The following RYR3 variants were observed in gnomAD, a reference collection of about 807,000 sequenced individuals.
RYR3 encodes ryanodine receptor 3.
In RYR3, 207 loss-of-function variants were observed where a neutral mutation model predicts 584.3. That is an observed-to-expected ratio of 0.35 (90% CI 0.32 to 0.40). The LOEUF (loss-of-function observed/expected upper bound fraction) is 0.40, where lower values mean the gene tolerates loss of function less well. RYR3 is among the 10% of genes least tolerant of loss of function. The probability of loss-of-function intolerance (pLI) is 1.00; values close to 1 mark genes in which losing one functional copy is unlikely to be tolerated. For missense variants in RYR3, 5,616 were observed against 6,089.2 expected (o/e 0.92, Z 2.59); for synonymous variants, 2,416 against 2,248.5 (o/e 1.07, Z -2.11).
At chr15:33,480,984 T>C (rs1409738968) in intron 2 of RYR3, among the ~76,000 whole-genome samples, 1 of 152,204 alleles carries the variant, frequency 6.6e-6, no homozygotes, top group Non-Finnish European at 1.5e-5. Flanking sequence ...TTTTGTTTCA[T>C]GTATGTTAAA....
intron 1 of RYR3, among the ~76,000 whole-genome samples, chr15:33,323,333 C>T (rs1224642700): frequency 1.3e-5 from 2 of 152,112 alleles, no homozygotes; most frequent in East Asian, 1.9e-4. Flanking sequence ...TGGTCTCGAT[C>T]TCCTGACCTC....
intron 40 of RYR3, 125 bp downstream of exon 40, chr15:33,698,121 G>A (rs529472169): frequency 5.8e-6 from 4 of 688,908 alleles, no homozygotes; most frequent in East Asian, 2.5e-5. Flanking sequence ...GGAAGGGATA[G>A]GCACAGTGCC....
In RYR3 at chr15:33,311,326, T is replaced by A. The variant is rs1295354088; in HGVS notation, c.51+230T>A. On this transcript the variant is annotated intron_variant, in intron 1 of 103. Transcript: ENST00000634891. This position sits in a 1 kb window ranked among gnomAD's most constrained non-coding sequence, Gnocchi z 4.4. ...TCCCTTGTTCCCCTACCGCCACCCCTGCCCCAGGCCCTCCACCTAGGACCG... is the reference window on the plus strand; with the variant it reads ...TCCCTTGTTCCCCTACCGCCACCCCAGCCCCAGGCCCTCCACCTAGGACCG... Among the ~76,000 whole-genome samples, 1 of 152,180 alleles carries A rather than the reference T, an allele frequency of 6.6e-6. No individual in the cohort carries two copies. Among genetic ancestry groups the A allele is most frequent in the East Asian group, 1.9e-4 (1 of 5,184 alleles).
intron 69 of RYR3, among the ~76,000 whole-genome samples, chr15:33,805,959 A>C (rs1189368402): frequency 1.8e-3 from 200 of 109,336 alleles, no homozygotes; most frequent in Middle Eastern, 0.01. Context: ...CCTTCTCTCC[A>C]CCTCTGCCTC....
At chr15:33,509,415 T>TTC (rs1457145851) in intron 3 of RYR3, among the ~76,000 whole-genome samples, 2 of 152,232 alleles carry the variant, frequency 1.3e-5, no homozygotes, top group African/African-American at 4.8e-5. Flanking sequence ...GGTTTTTATC[T>TTC]TCCCTTTAGA....
chr15:33,741,835 C>T (rs111785170), intron 51 of RYR3, among the ~76,000 whole-genome samples: 4,228 of 152,094 alleles, frequency 0.028, 195 homozygotes, highest in African/African-American at 0.097. Flanking sequence ...AGGATGGTCT[C>T]GATTTCCTGA....
intron 2 of RYR3, among the ~76,000 whole-genome samples, chr15:33,482,660 C>T (rs1012839383): frequency 1.1e-4 from 16 of 152,182 alleles, no homozygotes; most frequent in East Asian, 3.9e-4. Context: ...GTTAAGTGCT[C>T]CTCCCACCTC....
chr15:33,769,604 G>A (rs1448971876), intron 62 of RYR3, among the ~76,000 whole-genome samples: 3 of 149,546 alleles, frequency 2.0e-5, no homozygotes, highest in Non-Finnish European at 4.5e-5. Context: ...GATTTGGGAA[G>A]AAGTCTTAAA....
rs745418555 is a variant in RYR3 at position 33,503,730 on chromosome 15, G to A, written c.271G>A (p.Gly91Ser). The change falls in exon 3 of 104, where the codon GGC becomes AGC. Residue 91 changes from glycine to serine, a missense_variant. Around this residue, in one of 9 missense-constraint regions of RYR3, gnomAD observed 1,284 missense variants for 1,344.6 expected, o/e 0.95. Coordinates refer to ENST00000634891, the MANE Select transcript of RYR3 (RefSeq NM_001036.6). The part of the protein sequence containing the change: ...EMLANTGENG[G>S]EGAAQGGGHR... ...GCTTGCCAACACAGGTGAAAATGGCGGCGAAGGGGTGAGTACCCGAATTGT... is the reference window on the plus strand; with the variant it reads ...GCTTGCCAACACAGGTGAAAATGGCAGCGAAGGGGTGAGTACCCGAATTGT... 43 of 1,607,738 alleles carry A rather than the reference G, an allele frequency of 2.7e-5. No individual in the cohort carries two copies. Among genetic ancestry groups the A allele is most frequent in the Non-Finnish European group, 3.1e-5 (37 of 1,176,262 alleles).
intron 23 of RYR3, among the ~76,000 whole-genome samples, chr15:33,632,056 G>A (rs2061295623): frequency 6.6e-6 from 1 of 152,248 alleles, no homozygotes; most frequent in Admixed American, 6.5e-5. Context: ...GGACACAACA[G>A]TCAGTGCATC....
chr15:33,362,413 T>TCAGCAGCAG (rs979552217), intron 1 of RYR3, among the ~76,000 whole-genome samples: 2 of 152,028 alleles, frequency 1.3e-5, no homozygotes, highest in African/African-American at 4.8e-5. Context: ...ATCATCATCA[T>TCAGCAGCAG]CAGCAGCAGC....
At chr15:33,338,288 TATGGCTTTCCTCAA>T (rs1971393336) in intron 1 of RYR3, among the ~76,000 whole-genome samples, 2 of 152,248 alleles carry the variant, frequency 1.3e-5, no homozygotes, top group Admixed American at 6.5e-5. Flanking sequence ...GAGACAGGTC[TATGGCTTTCCTCAA>T]AGATGATTTT....
At chr15:33,722,009 G>C (rs11637423) in intron 43 of RYR3, among the ~76,000 whole-genome samples, 73,033 of 151,982 alleles carry the variant, frequency 0.48, 19,866 homozygotes, top group East Asian at 0.87. Flanking sequence ...CTTTACCAAG[G>C]AGATTCTTCA....
chr15:33,423,938 C>T (rs551668804), intron 1 of RYR3, among the ~76,000 whole-genome samples: 2 of 152,156 alleles, frequency 1.3e-5, no homozygotes, highest in South Asian at 2.1e-4. Context: ...TCCAATGCAC[C>T]CAGGATCAGT....
chr15:33,864,043 C>A, intron 102 of RYR3, 95 bp from the exon 103 acceptor site: 1 of 855,144 alleles, frequency 1.2e-6, no homozygotes. Flanking sequence ...TAGCGTGGGA[C>A]CAACTAGCCT....
intron 1 of RYR3, among the ~76,000 whole-genome samples, chr15:33,464,465 T>TGGAG (rs2048290337): frequency 1.5e-5 from 1 of 67,472 alleles, no homozygotes; most frequent in Non-Finnish European, 2.6e-5. Context: ...GAGGTGGAGA[T>TGGAG]ATATATATAT....
intron 2 of RYR3, among the ~76,000 whole-genome samples, chr15:33,503,153 G>A (rs752052079): frequency 1.3e-5 from 2 of 152,040 alleles, no homozygotes; most frequent in Non-Finnish European, 2.9e-5. Context: ...CCCCTCTGTG[G>A]CCTCTTTTTA....
At chr15:33,853,002 A>ATGT in intron 94 of RYR3, 43 bp from the exon 95 acceptor site, 1 of 1,541,464 alleles carries the variant, frequency 6.5e-7, no homozygotes, top group Non-Finnish European at 8.9e-7. Flanking sequence ...GTTTTCCTTG[A>ATGT]TGTTAAGAAT....
intron 37 of RYR3, among the ~76,000 whole-genome samples, 155 bp from the exon 38 acceptor site, chr15:33,670,264 T>C (rs905643785): frequency 2.0e-5 from 3 of 152,112 alleles, no homozygotes; most frequent in Non-Finnish European, 4.4e-5. Flanking sequence ...AGCTATAAGA[T>C]AGGTAACTAT....
Sources: gnomAD v4.1 joint callset for allele counts (sites outside exome capture counted in the v4.1 genomes callset) on GRCh38, gnomAD v4.1.1 for gene constraint, gnomAD v4.1.1 regional missense constraint, Gnocchi (gnomAD v3.1) non-coding constraint, MANE v1.5 for transcripts, NCBI Gene and HGNC (gene_info 2026-07-23, HGNC 2026-07-21) for gene names.